MTHFD1L: variants seen among roughly 807,000 people sequenced by gnomAD.
MTHFD1L encodes monofunctional C1-tetrahydrofolate synthase, mitochondrial.
Under a neutral mutation model 119.5 loss-of-function variants are expected in MTHFD1L, and 81 were observed. The ratio of observed to expected loss-of-function variants is 0.68; its 90% CI spans 0.57 to 0.82. The LOEUF (loss-of-function observed/expected upper bound fraction) is 0.82. MTHFD1L is among the 40% of genes least tolerant of loss of function. The pLI is 0.00. For synonymous variants in MTHFD1L, 430 were observed against 475.2 expected, an observed-to-expected ratio of 0.90 and a Z score of 1.24; for missense variants, 1,125 against 1,253.4, an observed-to-expected ratio of 0.90 and a Z score of 1.55.
At chr6:150,933,763 C>A (rs1248614107) in intron 11 of MTHFD1L, among the ~76,000 whole-genome samples, 1 of 152,010 alleles carries the variant, frequency 6.6e-6, no homozygotes, top group African/African-American at 2.4e-5. Flanking sequence ...TCATGTTCTG[C>A]CTTCTTCTCC....
chr6:150,995,892 A>T (rs943136697), intron 20 of MTHFD1L, among the ~76,000 whole-genome samples: 8 of 152,214 alleles, frequency 5.3e-5, no homozygotes, highest in South Asian at 2.1e-4. Flanking sequence ...TGAACTCCTG[A>T]CTTTGTGATC....
chr6:150,922,093 C>A (rs185298490), intron 9 of MTHFD1L, 112 bp from the exon 10 acceptor site: 2 of 760,410 alleles, frequency 2.6e-6, no homozygotes, highest in Admixed American at 2.0e-5. Flanking sequence ...GCTTATTGTG[C>A]GACTCGATAA....
chr6:151,032,748 T>A (rs1176306080), intron 24 of MTHFD1L, among the ~76,000 whole-genome samples: 6 of 152,222 alleles, frequency 3.9e-5, no homozygotes, highest in Non-Finnish European at 1.5e-5. Flanking sequence ...TCTTTTTATG[T>A]CCCTCAGTGA....
At chr6:150,899,096 C>A in intron 7 of MTHFD1L, 1 of 582,316 alleles carries the variant, frequency 1.7e-6, no homozygotes, top group Non-Finnish European at 2.2e-6. Context: ...TTGGACACAA[C>A]TAAATATCTT....
chr6:150,901,489 A>T (rs190241818), intron 7 of MTHFD1L, among the ~76,000 whole-genome samples: 16 of 152,300 alleles, frequency 1.1e-4, no homozygotes, highest in East Asian at 7.7e-4. Flanking sequence ...AAAAATAAAT[A>T]AATTAATTAA....
chr6:150,936,076 C>G lies in MTHFD1L; in HGVS notation c.1257-728C>G, dbSNP rs537653275. On this transcript the variant is annotated intron_variant, in intron 11 of 27. Transcript: ENST00000367321. ...GCAGAAGTTTCCGCCATAGTATGCA[C>G]AGGGCCTGTGGACTTTTTGAATATT... is the stretch of plus-strand genomic sequence containing the variant. 1.3e-5 allele frequency among the ~76,000 whole-genome samples: 2 copies of G among 152,324 alleles called. 1 individual carries two copies. The highest frequency in any genetic ancestry group is 3.9e-4 in the East Asian group (2 of 5,190).
intron 10 of MTHFD1L, among the ~76,000 whole-genome samples, chr6:150,924,212 T>C (rs911195080): frequency 5.9e-5 from 9 of 152,188 alleles, no homozygotes; most frequent in African/African-American, 1.4e-4. Context: ...GAGAAAACCT[T>C]ACAGGTGTTT....
rs549877398 is a variant in MTHFD1L, at chr6:151,045,439, C to A, written c.2847+8322C>A. 3.9e-5 allele frequency among the ~76,000 whole-genome samples: 6 copies of A among 152,308 alleles called. No homozygotes were observed. The East Asian group carries it at 1.2e-3, about 29-fold the overall frequency. ...ACTTTCCCTACTACTTTTCCACTCC[C>A]ACACCCACAAATAAACAAAGAAACC... is the stretch of plus-strand genomic sequence containing the variant. On this transcript the variant is annotated intron_variant, in intron 26 of 27. Coordinates refer to ENST00000367321, the MANE Select transcript of MTHFD1L (RefSeq NM_015440.5).
chr6:150,910,649 C>T (rs1412397681), intron 8 of MTHFD1L, among the ~76,000 whole-genome samples: 1 of 152,044 alleles, frequency 6.6e-6, no homozygotes, highest in African/African-American at 2.4e-5. Flanking sequence ...ATAAGATTCC[C>T]AATTTCTTTG....
chr6:151,031,291 A>G (rs1785306970), intron 24 of MTHFD1L, among the ~76,000 whole-genome samples: 2 of 152,190 alleles, frequency 1.3e-5, no homozygotes, highest in African/African-American at 4.8e-5. Flanking sequence ...ATGGCCCTCC[A>G]AGAGATTTCA....
At chr6:150,955,208 G>C (rs981670212) in intron 16 of MTHFD1L, among the ~76,000 whole-genome samples, 2 of 152,030 alleles carry the variant, frequency 1.3e-5, no homozygotes, top group Non-Finnish European at 2.9e-5. Context: ...GCCTATTCTA[G>C]GTGCCTGATA....
intron 20 of MTHFD1L, among the ~76,000 whole-genome samples, chr6:150,983,566 G>C (rs1048433523): frequency 6.6e-6 from 1 of 152,130 alleles, no homozygotes; most frequent in African/African-American, 2.4e-5. Context: ...GGGGCCAGCT[G>C]TTCTTCCAAA....
At chr6:150,923,659 G>A (rs529251727) in intron 10 of MTHFD1L, among the ~76,000 whole-genome samples, 3 of 145,854 alleles carry the variant, frequency 2.1e-5, no homozygotes, top group South Asian at 2.3e-4. Flanking sequence ...ATGAGCCACC[G>A]CACCGGGGCT....
At chr6:150,906,718 C>T (rs1785974845) in intron 8 of MTHFD1L, among the ~76,000 whole-genome samples, 1 of 152,190 alleles carries the variant, frequency 6.6e-6, no homozygotes, top group Non-Finnish European at 1.5e-5. Context: ...TTCTCCTCCA[C>T]CAGGACCATA....
At chr6:150,990,149 C>T (rs1778854968) in intron 20 of MTHFD1L, among the ~76,000 whole-genome samples, 1 of 151,984 alleles carries the variant, frequency 6.6e-6, no homozygotes, top group South Asian at 2.1e-4. Flanking sequence ...TGAGGTGGTG[C>T]GTGCCTGTAG....
At position 151,034,499 on chromosome 6, in the gene MTHFD1L, A is replaced by G. The variant is rs373771820; in HGVS notation, c.2593A>G (p.Ile865Val). 5.9e-5 allele frequency: 95 copies of G among 1,607,226 alleles called. No individual in the cohort carries two copies. The highest frequency in any genetic ancestry group is 2.2e-4 in the Middle Eastern group (1 of 4,448). The change falls in exon 25 of 28, where the codon ATT (isoleucine) becomes GTT (valine). Residue 865 changes from isoleucine to valine, a missense_variant. Coordinates refer to ENST00000367321, the MANE Select transcript of MTHFD1L (RefSeq NM_015440.5). ...ATAATTTGTGTTTCTCCAGGTTCCA[A>G]TTGTGGACAAGATAAGGACCATTGC... The part of the protein sequence containing the change: ...FQFLYDVQVP[I>V]VDKIRTIAQA...
intron 20 of MTHFD1L, among the ~76,000 whole-genome samples, chr6:150,980,767 A>G (rs1296512673): frequency 1.3e-5 from 2 of 151,822 alleles, no homozygotes; most frequent in Non-Finnish European, 2.9e-5. Context: ...GAAATCAGAT[A>G]TTAGAGACAC....
chr6:151,065,964 T>C (rs1294976264), intron 26 of MTHFD1L, among the ~76,000 whole-genome samples: 1 of 152,160 alleles, frequency 6.6e-6, no homozygotes, highest in African/African-American at 2.4e-5. Context: ...TATGTTGGAG[T>C]CCATGAAATA....
intron 26 of MTHFD1L, among the ~76,000 whole-genome samples, chr6:151,067,831 GCCAGCTTGGCGTTA>G: frequency 6.6e-6 from 1 of 152,352 alleles, no homozygotes; most frequent in African/African-American, 2.4e-5. Flanking sequence ...GTGGCAGCCT[GCCAGCTTGGCGTTA>G]CCATTAATTC....
Sources: gnomAD v4.1 joint callset for allele counts (sites outside exome capture counted in the v4.1 genomes callset) on GRCh38, gnomAD v4.1.1 for gene constraint, MANE v1.5 for transcripts, NCBI Gene and HGNC (gene_info 2026-07-23, HGNC 2026-07-21) for gene names.